LDLRAD3: variants seen among roughly 807,000 people sequenced by gnomAD.
LDLRAD3 encodes the protein low density lipoprotein receptor class A domain containing 3.
In LDLRAD3, 20 loss-of-function variants were observed where a neutral mutation model predicts 29.4. The ratio of observed to expected loss-of-function variants is 0.68; its 90% CI spans 0.48 to 0.99. LDLRAD3 has a LOEUF of 0.99. Ranked by LOEUF, LDLRAD3 falls within the 50% of genes least tolerant of loss-of-function variation. The pLI, the probability that LDLRAD3 is intolerant of heterozygous loss-of-function variation, is 0.00. For missense variants in LDLRAD3, 420 were observed against 454.3 expected (o/e 0.92, Z 0.69); for synonymous variants, 157 against 192.7 (o/e 0.81, Z 1.53).
chr11:36,109,532 C>CTT (rs1853578191), intron 4 of LDLRAD3, among the ~76,000 whole-genome samples: 1 of 152,152 alleles, frequency 6.6e-6, no homozygotes, highest in South Asian at 2.1e-4. Flanking sequence ...ATTGTGCTTG[C>CTT]TTTCCACTTT....
At chr11:36,083,861 A>G (rs192516935) in intron 3 of LDLRAD3, among the ~76,000 whole-genome samples, 58 of 152,230 alleles carry the variant, frequency 3.8e-4, no homozygotes, top group African/African-American at 1.3e-3. Context: ...GTCATCCTAT[A>G]TATTCCCTGC....
At chr11:36,075,270 T>C (rs928059132) in intron 2 of LDLRAD3, among the ~76,000 whole-genome samples, 4 of 152,264 alleles carry the variant, frequency 2.6e-5, no homozygotes, top group Non-Finnish European at 5.9e-5. Context: ...TTGTGAAAGC[T>C]TGAGCCTGGT....
In LDLRAD3 at chr11:36,098,581, T is replaced by G. The variant is rs147505378; in HGVS notation, c.454+120T>G. The G allele has an allele frequency of 2.5e-4, 301 of 1,207,554 alleles. 1 individual carries two copies. In the East Asian group the frequency reaches 7.5e-3, roughly 30 times the overall value. The allele number at this position is 1,207,554 out of a possible 1,614,324, so 74.8% of individuals were successfully genotyped here. The stretch of plus-strand genomic sequence containing the variant: ...CAAACACAATAGCTCTGTTAGTTTT[T>G]GCACTCAGCCTTGCAGCCCTTGTAC... On this transcript the variant is annotated intron_variant, in intron 4 of 5. Coordinates refer to ENST00000315571, the MANE Select transcript of LDLRAD3 (RefSeq NM_174902.4).
intron 4 of LDLRAD3, among the ~76,000 whole-genome samples, chr11:36,121,142 A>G (rs1368733966): frequency 6.6e-6 from 1 of 152,132 alleles, no homozygotes; most frequent in African/African-American, 2.4e-5. Context: ...TTCGTTGAAT[A>G]TGCAATTGGA....
intron 1 of LDLRAD3, among the ~76,000 whole-genome samples, chr11:35,962,509 A>G (rs1430186299): frequency 6.6e-6 from 1 of 152,154 alleles, no homozygotes; most frequent in Non-Finnish European, 1.5e-5. Context: ...TTGGTTCCAC[A>G]CTGACTTCAA....
At chr11:36,082,470 T>C (rs1459241512) in intron 3 of LDLRAD3, among the ~76,000 whole-genome samples, 3 of 152,202 alleles carry the variant, frequency 2.0e-5, no homozygotes, top group Admixed American at 2.0e-4. Context: ...ATGGCACCAC[T>C]GCACTCCAGC....
chr11:36,145,087 G>A (rs1257088317), intron 4 of LDLRAD3, among the ~76,000 whole-genome samples: 7 of 76,494 alleles, frequency 9.2e-5, no homozygotes, highest in Admixed American at 2.2e-4. Context: ...CCGGCCAGCC[G>A]CCCCGTCCGG....
At chr11:36,100,881 A>G (rs1008571879) in intron 4 of LDLRAD3, among the ~76,000 whole-genome samples, 1 of 152,212 alleles carries the variant, frequency 6.6e-6, no homozygotes, top group African/African-American at 2.4e-5. Context: ...TGCCCATCCC[A>G]GTATTTTACT....
chr11:36,154,591 A>G (rs1880709), intron 4 of LDLRAD3, among the ~76,000 whole-genome samples: 69,201 of 152,020 alleles, frequency 0.46, 17,159 homozygotes, highest in African/African-American at 0.65. Flanking sequence ...CCTGAACTTA[A>G]TTGACCAAAA....
At chr11:36,164,165 T>C (rs1378695225) in intron 4 of LDLRAD3, among the ~76,000 whole-genome samples, 2 of 152,230 alleles carry the variant, frequency 1.3e-5, no homozygotes, top group Non-Finnish European at 2.9e-5. Context: ...TCAGCCACGC[T>C]CTGTCCCTGT....
At chr11:35,960,246 C>A (rs930392968) in intron 1 of LDLRAD3, among the ~76,000 whole-genome samples, 1 of 152,098 alleles carries the variant, frequency 6.6e-6, no homozygotes, top group Non-Finnish European at 1.5e-5. Flanking sequence ...ATTTTAGCTG[C>A]GGTAGAATAT....
chr11:35,965,110 A>G (rs1851323197), intron 1 of LDLRAD3, among the ~76,000 whole-genome samples: 1 of 152,222 alleles, frequency 6.6e-6, no homozygotes, highest in Admixed American at 6.5e-5. Flanking sequence ...CAGTAAAGTA[A>G]TGAAAAAAAA....
At chr11:36,218,298 G>C (rs943748128) in intron 4 of LDLRAD3, among the ~76,000 whole-genome samples, 1 of 152,148 alleles carries the variant, frequency 6.6e-6, no homozygotes, top group Admixed American at 6.5e-5. Context: ...ATGCCCTTCT[G>C]GGGGTTGATG....
intron 4 of LDLRAD3, among the ~76,000 whole-genome samples, chr11:36,139,504 G>A (rs1347788228): frequency 4.6e-5 from 7 of 152,216 alleles, no homozygotes; most frequent in African/African-American, 7.2e-5. Flanking sequence ...CTGGCTTGCT[G>A]TTGGTTGCCA....
At chr11:36,125,755 T>C (rs1248515443) in intron 4 of LDLRAD3, among the ~76,000 whole-genome samples, 1 of 152,154 alleles carries the variant, frequency 6.6e-6, no homozygotes, top group East Asian at 1.9e-4. Context: ...CCGTAAGTTA[T>C]TTTGGTGGAG....
intron 4 of LDLRAD3, among the ~76,000 whole-genome samples, chr11:36,209,830 A>C (rs1466431073): frequency 6.6e-6 from 1 of 152,254 alleles, no homozygotes; most frequent in Non-Finnish European, 1.5e-5. Context: ...TAAGTAAAAA[A>C]ATCAGGGTGT....
At chr11:36,205,572 A>G (rs1271483661) in intron 4 of LDLRAD3, among the ~76,000 whole-genome samples, 2 of 152,212 alleles carry the variant, frequency 1.3e-5, no homozygotes, top group African/African-American at 4.8e-5. Flanking sequence ...TTATTCCCCC[A>G]AAGTCTTTAC....
At chr11:36,140,513 C>T (rs891522658) in intron 4 of LDLRAD3, among the ~76,000 whole-genome samples, 13 of 152,164 alleles carry the variant, frequency 8.5e-5, no homozygotes, top group Non-Finnish European at 1.8e-4. Flanking sequence ...ACTGCAGCCT[C>T]TACTTCCCGG....
intron 1 of LDLRAD3, among the ~76,000 whole-genome samples, chr11:35,983,101 G>A (rs772001592): frequency 2.2e-4 from 33 of 152,050 alleles, no homozygotes; most frequent in Non-Finnish European, 4.3e-4. Context: ...TGATCTACCC[G>A]CCTTGGCCTC....
Sources: allele counts gnomAD v4.1 joint callset (sites outside exome capture counted in the v4.1 genomes callset), GRCh38; gene constraint gnomAD v4.1.1; transcripts MANE v1.5; gene names NCBI Gene and HGNC (gene_info 2026-07-23, HGNC 2026-07-21).